Variants in CDH18 observed in about 807,000 individuals in gnomAD.
CDH18 encodes the protein cadherin-18.
A neutral mutation model predicts 67.9 loss-of-function variants in CDH18; 31 were observed. The observed-to-expected ratio is 0.46, with a 90% CI of 0.34 to 0.62. CDH18 has a LOEUF of 0.62. Among genes scored for constraint, CDH18 ranks in the 20% least tolerant of loss-of-function variants. The pLI, the probability that CDH18 is intolerant of heterozygous loss-of-function variation, is 0.01. For synonymous variants in CDH18, 362 were observed against 347.2 expected, an observed-to-expected ratio of 1.04 and a Z score of -0.48; for missense variants, 890 against 975.5, an observed-to-expected ratio of 0.91 and a Z score of 1.17.
At chr5:20,275,236 G>C (rs1300758307) in intron 1 of CDH18, among the ~76,000 whole-genome samples, 4 of 151,912 alleles carry the variant, frequency 2.6e-5, no homozygotes, top group Admixed American at 2.6e-4. Context: ...GGATCATGAG[G>C]GTGGATCTCC....
chr5:20,366,114 T>C (rs542600807), intron 1 of CDH18, among the ~76,000 whole-genome samples: 3 of 152,172 alleles, frequency 2.0e-5, no homozygotes, highest in Non-Finnish European at 4.4e-5. Context: ...GAAAACACAA[T>C]AACCTGATTG....
intron 7 of CDH18, among the ~76,000 whole-genome samples, chr5:19,577,001 A>T (rs1742426434): frequency 6.6e-6 from 1 of 152,208 alleles, no homozygotes; most frequent in Admixed American, 6.5e-5. Flanking sequence ...CAGACAGACA[A>T]ATACCATATG....
chr5:19,584,199 G>C (rs1163779097), intron 7 of CDH18, among the ~76,000 whole-genome samples: 2 of 152,078 alleles, frequency 1.3e-5, no homozygotes, highest in Admixed American at 6.6e-5. Context: ...ACCCAGCCAG[G>C]CTTCATTAAA....
At chr5:19,987,976 T>C (rs1799736636) in intron 1 of CDH18, 110 bp downstream of exon 1, 1 of 152,196 alleles carries the variant, frequency 6.6e-6, no homozygotes, top group Non-Finnish European at 1.5e-5. Flanking sequence ...CCATCGGAGA[T>C]GAAGATTTCA....
chr5:19,508,056 GA>G (rs34220102), intron 10 of CDH18, among the ~76,000 whole-genome samples: 107 of 141,012 alleles, frequency 7.6e-4, no homozygotes, highest in African/African-American at 1.1e-3. Flanking sequence ...TCGTATTTCT[GA>G]AAAAAAAAAA....
At chr5:20,516,870 A>G (rs1038987569) in intron 1 of CDH18, among the ~76,000 whole-genome samples, 2 of 151,950 alleles carry the variant, frequency 1.3e-5, no homozygotes, top group Non-Finnish European at 2.9e-5. Flanking sequence ...AAAGATGTTG[A>G]CAAATTACGT....
At chr5:19,620,690 A>G (rs1750558381) in intron 5 of CDH18, among the ~76,000 whole-genome samples, 1 of 152,048 alleles carries the variant, frequency 6.6e-6, no homozygotes, top group Admixed American at 6.6e-5. Context: ...TCAAACTTAG[A>G]ATGCTTTTTT....
At chr5:20,060,962 T>C (rs1580150448) in intron 2 of CDH18, among the ~76,000 whole-genome samples, 1 of 152,014 alleles carries the variant, frequency 6.6e-6, no homozygotes, top group South Asian at 2.1e-4. Context: ...AAAAAAAAGA[T>C]GCTTCAAAAT....
intron 2 of CDH18, among the ~76,000 whole-genome samples, chr5:20,112,191 G>A (rs945699972): frequency 1.9e-4 from 29 of 152,132 alleles, no homozygotes; most frequent in African/African-American, 7.0e-4. Context: ...CAAGAACTCA[G>A]TATTAGTTAA....
At chr5:19,615,132 G>A (rs1749616857) in intron 5 of CDH18, among the ~76,000 whole-genome samples, 1 of 32,140 alleles carries the variant, frequency 3.1e-5, no homozygotes, top group Non-Finnish European at 1.7e-4. Context: ...GGTGACAGAG[G>A]GAGACTCCAT....
At chr5:20,105,496 C>T (rs890204929) in intron 2 of CDH18, among the ~76,000 whole-genome samples, 38 of 152,118 alleles carry the variant, frequency 2.5e-4, no homozygotes, top group African/African-American at 7.0e-4. Flanking sequence ...TAAGCATGTT[C>T]GCAGTGTTGA....
intron 2 of CDH18, among the ~76,000 whole-genome samples, chr5:20,125,019 T>G (rs569158888): frequency 6.6e-6 from 1 of 152,144 alleles, no homozygotes; most frequent in Non-Finnish European, 1.5e-5. Flanking sequence ...AGAGACTGAA[T>G]TGACAGAGAG....
At chr5:19,971,481 T>G (rs1798010240) in intron 2 of CDH18, among the ~76,000 whole-genome samples, 2 of 152,130 alleles carry the variant, frequency 1.3e-5, no homozygotes, top group South Asian at 4.1e-4. Flanking sequence ...ATAGTTTGTT[T>G]AAAAGAATGA....
At chr5:20,366,054 C>G in intron 1 of CDH18, among the ~76,000 whole-genome samples, 1 of 152,126 alleles carries the variant, frequency 6.6e-6, no homozygotes, top group East Asian at 1.9e-4. Flanking sequence ...GTACCCAACT[C>G]AAAACTCCTG....
At chr5:20,412,139 A>T (rs1469971239) in intron 1 of CDH18, among the ~76,000 whole-genome samples, 1 of 152,166 alleles carries the variant, frequency 6.6e-6, no homozygotes, top group African/African-American at 2.4e-5. Context: ...ACTATACTAC[A>T]ATGTCATAGT....
intron 1 of CDH18, among the ~76,000 whole-genome samples, chr5:20,336,279 G>T (rs886634636): frequency 6.6e-6 from 1 of 152,076 alleles, no homozygotes; most frequent in South Asian, 2.1e-4. Flanking sequence ...TCCAGAGGGG[G>T]GAATGAGAGA....
chr5:20,126,933 C>A (rs192754887), intron 2 of CDH18, among the ~76,000 whole-genome samples: 3 of 152,230 alleles, frequency 2.0e-5, no homozygotes, highest in Admixed American at 6.5e-5. Flanking sequence ...ACCATAAAAT[C>A]TAGTAATTTC....
chr5:20,568,226 G>C (rs964951506), intron 1 of CDH18, among the ~76,000 whole-genome samples: 1 of 152,154 alleles, frequency 6.6e-6, no homozygotes, highest in African/African-American at 2.4e-5. Context: ...ATGAACTTGA[G>C]AGACAGAAGG....
intron 1 of CDH18, chr5:20,304,059 T>C: frequency 1.9e-6 from 3 of 1,602,170 alleles, no homozygotes; most frequent in East Asian, 2.2e-5. Context: ...GCATCCTTTT[T>C]CTCCAGTAAA....
Sources: allele counts gnomAD v4.1 joint callset (sites outside exome capture counted in the v4.1 genomes callset), GRCh38; gene constraint gnomAD v4.1.1; transcripts MANE v1.5; gene names NCBI Gene and HGNC (gene_info 2026-07-23, HGNC 2026-07-21).